Variants in KCTD8 observed in about 807,000 individuals in gnomAD.
KCTD8 encodes the protein BTB/POZ domain-containing protein KCTD8.
In KCTD8, 27 loss-of-function variants were observed where a neutral mutation model predicts 31.5. The observed-to-expected ratio is 0.86, with a 90% CI of 0.63 to 1.18. The LOEUF (loss-of-function observed/expected upper bound fraction) is 1.18. KCTD8 is among the 50% of genes most tolerant of loss of function. The probability of loss-of-function intolerance (pLI) is 0.00; values close to 1 mark genes in which losing one functional copy is unlikely to be tolerated. For synonymous variants in KCTD8, 290 were observed against 280.0 expected, an observed-to-expected ratio of 1.04 and a Z score of -0.36; for missense variants, 658 against 647.7, an observed-to-expected ratio of 1.02 and a Z score of -0.17.
At chr4:44,446,012 A>G (rs1224806855) in intron 1 of KCTD8, among the ~76,000 whole-genome samples, 1 of 152,196 alleles carries the variant, frequency 6.6e-6, no homozygotes, top group Non-Finnish European at 1.5e-5. Context: ...ACTTTGATAT[A>G]ATTAAGACAG....
At chr4:44,354,021 A>T (rs1200788420) in intron 1 of KCTD8, among the ~76,000 whole-genome samples, 2 of 152,134 alleles carry the variant, frequency 1.3e-5, no homozygotes, top group Non-Finnish European at 2.9e-5. Context: ...CTCAATCCAA[A>T]CAAAAGTTAT....
At chr4:44,193,080 C>G (rs2109335630) in intron 1 of KCTD8, among the ~76,000 whole-genome samples, 1 of 152,118 alleles carries the variant, frequency 6.6e-6, no homozygotes, top group African/African-American at 2.4e-5. Flanking sequence ...CTCTAGAGAA[C>G]CCTGACTAAT....
intron 1 of KCTD8, among the ~76,000 whole-genome samples, chr4:44,283,972 A>G (rs1374263811): frequency 6.6e-6 from 1 of 152,218 alleles, no homozygotes; most frequent in African/African-American, 2.4e-5. Context: ...TCAAGGAAAT[A>G]AAAGAGGACA....
intron 1 of KCTD8, among the ~76,000 whole-genome samples, chr4:44,202,020 T>C (rs1714164851): frequency 6.6e-6 from 1 of 152,002 alleles, no homozygotes; most frequent in Non-Finnish European, 1.5e-5. Context: ...GATGTATTGG[T>C]GGCCAGCATA....
At chr4:44,288,286 T>C (rs1717163170) in intron 1 of KCTD8, among the ~76,000 whole-genome samples, 1 of 152,178 alleles carries the variant, frequency 6.6e-6, no homozygotes, top group African/African-American at 2.4e-5. Context: ...GCATTTCTTC[T>C]ATAATGAATA....
chr4:44,274,377 T>G (rs1297077388), intron 1 of KCTD8, among the ~76,000 whole-genome samples: 1 of 151,998 alleles, frequency 6.6e-6, no homozygotes, highest in African/African-American at 2.4e-5. Flanking sequence ...TTTTTGCCAT[T>G]ACTTTTAATG....
intron 1 of KCTD8, among the ~76,000 whole-genome samples, chr4:44,296,496 T>C (rs1280547624): frequency 6.6e-6 from 1 of 152,136 alleles, no homozygotes; most frequent in Non-Finnish European, 1.5e-5. Flanking sequence ...TCTAATATGT[T>C]TTAAATTGAT....
rs1202341923 is a variant in KCTD8 at position 44,377,030 on chromosome 4, C to T, written c.961+70533G>A. The stretch of plus-strand genomic sequence containing the variant: ...AGTAAAAACATAAATGAGGCCCACA[C>T]ACCACATGTTTAAGTATTTAAAAGG... On this transcript the variant is annotated intron_variant, in intron 1 of 1. Transcript: ENST00000360029. Among the ~76,000 whole-genome samples, 3 of 152,190 alleles carry T rather than the reference C, an allele frequency of 2.0e-5. No individual in the cohort carries two copies. In the East Asian group the frequency reaches 5.8e-4, roughly 29 times the overall value.
intron 1 of KCTD8, among the ~76,000 whole-genome samples, chr4:44,416,807 A>T (rs1721088757): frequency 6.6e-6 from 1 of 152,194 alleles, no homozygotes; most frequent in South Asian, 2.1e-4. Context: ...TTCTTTATAA[A>T]TTACCTAGGT....
At chr4:44,332,700 T>C (rs73815013) in intron 1 of KCTD8, among the ~76,000 whole-genome samples, 4,368 of 152,068 alleles carry the variant, frequency 0.029, 225 homozygotes, top group African/African-American at 0.1. Flanking sequence ...ATTATCTCTT[T>C]CTTTTTTTAA....
At chr4:44,369,829 A>G (rs1372734942) in intron 1 of KCTD8, among the ~76,000 whole-genome samples, 1 of 152,090 alleles carries the variant, frequency 6.6e-6, no homozygotes, top group East Asian at 1.9e-4. Flanking sequence ...AAAAAGGCAC[A>G]AGAAATTACA....
intron 1 of KCTD8, among the ~76,000 whole-genome samples, chr4:44,240,305 T>C (rs940933163): frequency 6.6e-6 from 1 of 152,230 alleles, no homozygotes; most frequent in Non-Finnish European, 1.5e-5. Flanking sequence ...TTTCCTCCTC[T>C]GGATGCTGGC....
intron 1 of KCTD8, among the ~76,000 whole-genome samples, chr4:44,370,884 A>T (rs6811413): frequency 0.091 from 13,778 of 152,236 alleles, 662 homozygotes; most frequent in Middle Eastern, 0.13. Context: ...AAGGTTCTCC[A>T]AAGAAACAGA....
chr4:44,338,544 G>T (rs1229639566), intron 1 of KCTD8, among the ~76,000 whole-genome samples: 1 of 152,154 alleles, frequency 6.6e-6, no homozygotes, highest in African/African-American at 2.4e-5. Flanking sequence ...AATAGGTAGT[G>T]CTACATGCCT....
chr4:44,376,383 G>GT (rs1317268447), intron 1 of KCTD8, among the ~76,000 whole-genome samples: 1 of 152,146 alleles, frequency 6.6e-6, no homozygotes, highest in Admixed American at 6.5e-5. Flanking sequence ...TTGCAAAAAG[G>GT]TTGTAGGGCC....
chr4:44,287,628 C>T (rs778642656), intron 1 of KCTD8, among the ~76,000 whole-genome samples: 11 of 152,170 alleles, frequency 7.2e-5, no homozygotes, highest in Non-Finnish European at 1.5e-4. Flanking sequence ...ATCTAATAGT[C>T]CTGATTCTGC....
chr4:44,383,154 T>TA (rs574997994), intron 1 of KCTD8, among the ~76,000 whole-genome samples: 17 of 151,328 alleles, frequency 1.1e-4, no homozygotes, highest in East Asian at 2.0e-4. Flanking sequence ...AAAACGCTGA[T>TA]AAAAAAAACT....
At chr4:44,324,585 G>A (rs938222935) in intron 1 of KCTD8, among the ~76,000 whole-genome samples, 21 of 152,048 alleles carry the variant, frequency 1.4e-4, no homozygotes, top group African/African-American at 4.3e-4. Context: ...CATGGTTTTC[G>A]ATCTTAAAGT....
intron 1 of KCTD8, among the ~76,000 whole-genome samples, chr4:44,287,949 T>G (rs903033875): frequency 6.6e-6 from 1 of 152,108 alleles, no homozygotes; most frequent in Non-Finnish European, 1.5e-5. Flanking sequence ...TTATAAGAAG[T>G]ATAGAGTATA....
Sources: allele counts gnomAD v4.1 joint callset (sites outside exome capture counted in the v4.1 genomes callset), GRCh38; gene constraint gnomAD v4.1.1; transcripts MANE v1.5; gene names NCBI Gene and HGNC (gene_info 2026-07-23, HGNC 2026-07-21).